Variants in ITGA8 observed in about 807,000 individuals in gnomAD.
ITGA8 encodes the protein integrin alpha-8.
A neutral mutation model predicts 142.3 loss-of-function variants in ITGA8; 91 were observed. The observed-to-expected ratio is 0.64, with a 90% CI of 0.54 to 0.76. The LOEUF (loss-of-function observed/expected upper bound fraction) is 0.76. ITGA8 is among the 30% of genes least tolerant of loss of function. ITGA8 has a pLI of 0.00. For synonymous variants in ITGA8, 505 were observed against 485.2 expected, an observed-to-expected ratio of 1.04 and a Z score of -0.54; for missense variants, 1,406 against 1,327.7, an observed-to-expected ratio of 1.06 and a Z score of -0.92.
At chr10:15,606,516 T>C (rs540836660) in intron 17 of ITGA8, 94 bp from the exon 18 acceptor site, 24 of 1,176,782 alleles carry the variant, frequency 2.0e-5, no homozygotes, top group African/African-American at 2.0e-4. Context: ...ATTTACTCAA[T>C]GAAAGTGAAT....
At chr10:15,526,680 T>A (rs1358850346) in intron 28 of ITGA8, among the ~76,000 whole-genome samples, 1 of 152,238 alleles carries the variant, frequency 6.6e-6, no homozygotes, top group Non-Finnish European at 1.5e-5. Flanking sequence ...ACTATTTTAA[T>A]ACAGTTTTAT....
chr10:15,620,555 T>C (rs1833471431), intron 13 of ITGA8, among the ~76,000 whole-genome samples: 1 of 152,208 alleles, frequency 6.6e-6, no homozygotes, highest in Non-Finnish European at 1.5e-5. Flanking sequence ...GTCACGGTTA[T>C]TCAGAGGCAA....
chr10:15,524,264 A>G lies in ITGA8; in HGVS notation c.2983-4852T>C, dbSNP rs545368399. 2.6e-4 allele frequency among the ~76,000 whole-genome samples: 40 copies of G among 152,318 alleles called. 1 individual carries two copies. The South Asian group carries it at 8.1e-3, about 31-fold the overall frequency. On this transcript the variant is annotated intron_variant, in intron 28 of 29. Transcript: ENST00000378076. ...TGCAGCATAGTCTAGAAGTCACTAC[A>G]GTAAGAACAGTGGAAATACAGAAAA...
At chr10:15,704,127 G>A (rs570982182) in intron 2 of ITGA8, among the ~76,000 whole-genome samples, 24 of 152,294 alleles carry the variant, frequency 1.6e-4, no homozygotes, top group African/African-American at 5.8e-4. Flanking sequence ...ATCAATTCTT[G>A]TTGATGCTTC....
intron 27 of ITGA8, among the ~76,000 whole-genome samples, chr10:15,543,023 G>A (rs1390593192): frequency 6.6e-6 from 1 of 152,144 alleles, no homozygotes; most frequent in Non-Finnish European, 1.5e-5. Context: ...GCTATTAAGA[G>A]CATACAGAGT....
chr10:15,597,156 T>G, intron 21 of ITGA8, 51 bp downstream of exon 21: 1 of 1,413,650 alleles, frequency 7.1e-7, no homozygotes, highest in Non-Finnish European at 1.0e-6. Flanking sequence ...ATTTGTTCCC[T>G]GTGAAGTCCA....
At chr10:15,561,209 CTATATATATATATATATATATATATGTA>C (rs1186465880) in intron 25 of ITGA8, among the ~76,000 whole-genome samples, 25 of 116,960 alleles carry the variant, frequency 2.1e-4, no homozygotes, top group African/African-American at 7.8e-4. Context: ...TATCTGTTGG[CTATATATATATATATATATATATATGTA>C]TATATATATA....
intron 6 of ITGA8, among the ~76,000 whole-genome samples, chr10:15,674,863 C>A (rs7081389): frequency 0.013 from 1,953 of 151,826 alleles, 41 homozygotes; most frequent in African/African-American, 0.045. Context: ...TCACTTAAAC[C>A]TGGGAGGCAG....
At chr10:15,610,497 T>C (rs888490338) in intron 15 of ITGA8, among the ~76,000 whole-genome samples, 1 of 59,492 alleles carries the variant, frequency 1.7e-5, no homozygotes, top group Non-Finnish European at 3.9e-5. Context: ...ATAGGTCTGA[T>C]TGGAACAAAA....
intron 8 of ITGA8, among the ~76,000 whole-genome samples, chr10:15,662,958 G>A (rs1197238310): frequency 2.6e-5 from 4 of 152,146 alleles, no homozygotes; most frequent in Admixed American, 1.3e-4. Context: ...TCATGAACGT[G>A]TATGAAAATT....
chr10:15,604,202 C>T lies in ITGA8; in HGVS notation c.2118+6G>A. On this transcript the variant is annotated splice_donor_region_variant and intron_variant, in intron 20 of 29. Transcript: ENST00000378076. ...CTCTTGACTTCAAACAATTTGCAGG[C>T]ATTACCTTGTTGTTGCGTTCGATTC... The T allele has an allele frequency of 6.2e-7, 1 of 1,605,398 alleles. No individual in the cohort carries two copies. The highest frequency in any genetic ancestry group is 8.5e-7 in the Non-Finnish European group (1 of 1,177,220).
At position 15,586,666 on chromosome 10, in the gene ITGA8, T is replaced by A; in HGVS notation, c.2292-2A>T. Reference sequence around the variant, plus strand: ...CTGTCTGGATTGTCCTTGTTGGAACTAAAACACAAGGACATGTGATTTAAA... The same window carrying A: ...CTGTCTGGATTGTCCTTGTTGGAACAAAAACACAAGGACATGTGATTTAAA... On this transcript the variant is annotated splice_acceptor_variant, in intron 22 of 29. Coordinates refer to ENST00000378076, the MANE Select transcript of ITGA8 (RefSeq NM_003638.3). LOFTEE classifies it high-confidence loss of function. 6.3e-7 allele frequency: 1 copy of A among 1,581,182 alleles called. No individual in the cohort carries two copies. The highest frequency in any genetic ancestry group is 8.7e-7 in the Non-Finnish European group (1 of 1,150,110).
In ITGA8 at chr10:15,672,635, T is replaced by C. The variant is rs752105148; in HGVS notation, c.791A>G (p.Asp264Gly). 4.3e-6 allele frequency: 7 copies of C among 1,613,382 alleles called. No homozygotes were observed. The East Asian group carries it at 1.6e-4, about 36-fold the overall frequency. The change falls in exon 7 of 30, where the codon GAC (aspartate) becomes GGC (glycine). Residue 264 changes from aspartate to glycine, a missense_variant. Transcript: ENST00000378076. ...GCAATGGGTCTTACCAAGGTAACTG[T>C]CATCATAGGAAGCTGGAGCCACTTC... The part of the protein sequence containing the change: ...QTEVAPASYD[D>G]SYLGYSVAAG...
At chr10:15,648,998 G>A (rs1174012119) in intron 11 of ITGA8, among the ~76,000 whole-genome samples, 1 of 152,166 alleles carries the variant, frequency 6.6e-6, no homozygotes, top group Non-Finnish European at 1.5e-5. Context: ...ACCAGGGAGA[G>A]GCTGGGTGCT....
chr10:15,697,143 CAAAAAG>C (rs1251752275), intron 2 of ITGA8, among the ~76,000 whole-genome samples: 1 of 151,646 alleles, frequency 6.6e-6, no homozygotes, highest in Non-Finnish European at 1.5e-5. Context: ...ATAAGGGACT[CAAAAAG>C]AAACATCTGC....
chr10:15,679,249 C>T (rs1370569384), intron 4 of ITGA8, among the ~76,000 whole-genome samples: 1 of 152,202 alleles, frequency 6.6e-6, no homozygotes, highest in African/African-American at 2.4e-5. Flanking sequence ...CACCAATAAG[C>T]ATTTCCACTG....
At chr10:15,670,334 A>G (rs2131683841) in intron 8 of ITGA8, among the ~76,000 whole-genome samples, 1 of 152,304 alleles carries the variant, frequency 6.6e-6, no homozygotes. Context: ...CAATCTTCAG[A>G]ACATTATTTT....
chr10:15,639,904 G>T (rs1160649207), intron 13 of ITGA8, among the ~76,000 whole-genome samples: 1 of 152,180 alleles, frequency 6.6e-6, no homozygotes, highest in Non-Finnish European at 1.5e-5. Flanking sequence ...TCAGAGGGAG[G>T]AAGTCAATTT....
chr10:15,637,069 T>C (rs1230806228), intron 13 of ITGA8, among the ~76,000 whole-genome samples: 2 of 152,154 alleles, frequency 1.3e-5, no homozygotes, highest in African/African-American at 4.8e-5. Context: ...CCCTTGAACC[T>C]GGGCGGCGGA....
Sources: allele counts gnomAD v4.1 joint callset (sites outside exome capture counted in the v4.1 genomes callset), GRCh38; gene constraint gnomAD v4.1.1; transcripts MANE v1.5; gene names NCBI Gene and HGNC (gene_info 2026-07-23, HGNC 2026-07-21).